Variants in KCNJ3 observed in about 807,000 individuals in gnomAD.
KCNJ3 encodes the protein G protein-activated inward rectifier potassium channel 1.
KCNJ3 carries 4 observed loss-of-function variants against 39.2 expected under a neutral mutation model. The ratio of observed to expected loss-of-function variants is 0.10; its 90% CI spans 0.05 to 0.23. KCNJ3 has a LOEUF of 0.23. KCNJ3 is among the 10% of genes least tolerant of loss of function. KCNJ3 has a pLI of 1.00. For synonymous variants in KCNJ3, 230 were observed against 237.4 expected, an observed-to-expected ratio of 0.97 and a Z score of 0.29; for missense variants, 276 against 634.9, an observed-to-expected ratio of 0.43 and a Z score of 6.08.
chr2:154,702,235 T>G (rs1684914895), intron 1 of KCNJ3, among the ~76,000 whole-genome samples: 1 of 151,976 alleles, frequency 6.6e-6, no homozygotes, highest in Admixed American at 6.5e-5. Context: ...TAATGCAGAA[T>G]GTGTAGAATT....
At chr2:154,701,125 T>C (rs1030632538) in intron 1 of KCNJ3, among the ~76,000 whole-genome samples, 2 of 152,286 alleles carry the variant, frequency 1.3e-5, no homozygotes, top group African/African-American at 4.8e-5. Flanking sequence ...AGTAACTGTA[T>C]GTGTCTTTAG....
At position 154,709,410 on chromosome 2, in the gene KCNJ3, C is replaced by T. The variant is rs1050137699; in HGVS notation, c.703-193C>T. 19 of 595,278 alleles carry T rather than the reference C, an allele frequency of 3.2e-5. No homozygotes were observed. The African/African-American group carries it at 3.4e-4, about 11-fold the overall frequency. The allele number at this position is 595,278 out of a possible 1,614,324, so 36.9% of individuals were successfully genotyped here. Reference sequence around the variant, plus strand: ...AGCAAGTTGTGTATTATAAATAATGCATGTATGTTCCGCATGAGCTATGTG... The same window carrying T: ...AGCAAGTTGTGTATTATAAATAATGTATGTATGTTCCGCATGAGCTATGTG... On this transcript the variant is annotated intron_variant, in intron 1 of 2. Transcript: ENST00000295101.
intron 2 of KCNJ3, among the ~76,000 whole-genome samples, chr2:154,806,859 A>G (rs980320960): frequency 1.3e-5 from 2 of 152,160 alleles, no homozygotes; most frequent in Non-Finnish European, 2.9e-5. Context: ...TAAGTCTCGC[A>G]CTGACCTTTC....
chr2:154,710,768 A>C (rs1685091549), intron 2 of KCNJ3, among the ~76,000 whole-genome samples: 1 of 152,192 alleles, frequency 6.6e-6, no homozygotes, highest in African/African-American at 2.4e-5. Context: ...AAACTATAGC[A>C]ATATAGAAAT....
rs1687869576 is a variant in KCNJ3, at chr2:154,857,917, A to AAAAAAAAAAG, written c.*2613_*2614insGAAAAAAAAA. ...AAAAAAAAAAAAAAAAAAAAAAAAAAAAAAAAAAAAGAATAAAAACAGGGT... is the reference window on the plus strand; with the variant it reads ...AAAAAAAAAAAAAAAAAAAAAAAAAAAAAAAAAAAGAAAAAAAAAAGAATAAAAACAGGGT... On this transcript the variant is annotated 3_prime_UTR_variant, in exon 3 of 3. Transcript: ENST00000295101. 8.0e-6 allele frequency: 1 copy of AAAAAAAAAAG among 124,314 alleles called. No homozygotes were observed. The highest frequency in any genetic ancestry group is 1.7e-5 in the Non-Finnish European group (1 of 57,924). 7.7% of individuals were successfully genotyped at this position (124,314 alleles called of 1,614,324 possible).
At position 154,748,552 on chromosome 2, in the gene KCNJ3, T is replaced by G. The variant is rs545687109; in HGVS notation, c.919+38733T>G. ...ACATTTCTGGGATGCCCAGTGCCCT[T>G]CGTCCTGTGCCTTGGAACCAAACTC... On this transcript the variant is annotated intron_variant, in intron 2 of 2. Transcript: ENST00000295101. 1.4e-3 allele frequency among the ~76,000 whole-genome samples: 216 copies of G among 152,218 alleles called. 2 individuals are homozygous for G. The highest frequency in any genetic ancestry group is 2.5e-3 in the Non-Finnish European group (172 of 68,000).
intron 1 of KCNJ3, among the ~76,000 whole-genome samples, chr2:154,701,989 C>T (rs907228130): frequency 1.3e-5 from 2 of 151,946 alleles, no homozygotes; most frequent in South Asian, 4.1e-4. Context: ...GAAATAATAA[C>T]ATTCAGCAAA....
chr2:154,813,862 C>A (rs1410993796), intron 2 of KCNJ3, among the ~76,000 whole-genome samples: 1 of 152,162 alleles, frequency 6.6e-6, no homozygotes, highest in Non-Finnish European at 1.5e-5. Flanking sequence ...TAGAACAATG[C>A]TTTACACTCT....
At chr2:154,800,987 G>A (rs554958907) in intron 2 of KCNJ3, among the ~76,000 whole-genome samples, 2 of 152,190 alleles carry the variant, frequency 1.3e-5, no homozygotes, top group South Asian at 2.1e-4. Flanking sequence ...ATGTGACGTC[G>A]GGGAGACATC....
At chr2:154,821,291 T>C (rs1367148509) in intron 2 of KCNJ3, among the ~76,000 whole-genome samples, 6 of 152,182 alleles carry the variant, frequency 3.9e-5, no homozygotes, top group Non-Finnish European at 7.3e-5. Flanking sequence ...AAAATGGTAT[T>C]AGGAGATCAT....
rs979710551 is a variant in KCNJ3 at position 154,825,239 on chromosome 2, C to T, written c.920-29488C>T. On this transcript the variant is annotated intron_variant, in intron 2 of 2. Coordinates refer to ENST00000295101, the MANE Select transcript of KCNJ3 (RefSeq NM_002239.4). ...TGGAAGCCTTCTCACTCTTCTTGACCTCATGCTCAGGGTGAATGCCCAGCT... is the reference window on the plus strand; with the variant it reads ...TGGAAGCCTTCTCACTCTTCTTGACTTCATGCTCAGGGTGAATGCCCAGCT... Among the ~76,000 whole-genome samples the T allele has an allele frequency of 5.3e-5, 8 of 152,072 alleles. 1 individual carries two copies. Among genetic ancestry groups the T allele is most frequent in the Non-Finnish European group, 1.2e-4 (8 of 68,008 alleles).
chr2:154,734,234 TA>T (rs1394655080), intron 2 of KCNJ3, among the ~76,000 whole-genome samples: 3 of 152,228 alleles, frequency 2.0e-5, no homozygotes, highest in African/African-American at 7.2e-5. Context: ...TCTAACATTT[TA>T]AATGGCAAGG....
chr2:154,708,850 C>T (rs529125058), intron 1 of KCNJ3, among the ~76,000 whole-genome samples: 1 of 152,212 alleles, frequency 6.6e-6, no homozygotes, highest in South Asian at 2.1e-4. Flanking sequence ...AACTATGTTT[C>T]TCAGGTATAG....
intron 1 of KCNJ3, among the ~76,000 whole-genome samples, chr2:154,700,279 G>A (rs1303562397): frequency 2.0e-5 from 3 of 152,110 alleles, no homozygotes; most frequent in Non-Finnish European, 4.4e-5. Context: ...TACCATCAAC[G>A]GTGTAAATGC....
intron 2 of KCNJ3, among the ~76,000 whole-genome samples, chr2:154,843,226 G>T (rs1195449451): frequency 2.0e-5 from 3 of 152,092 alleles, no homozygotes; most frequent in African/African-American, 7.2e-5. Context: ...GAAATTCTGG[G>T]TTGAAAATTC....
At chr2:154,839,192 C>A (rs375823404) in intron 2 of KCNJ3, among the ~76,000 whole-genome samples, 2 of 152,210 alleles carry the variant, frequency 1.3e-5, no homozygotes, top group South Asian at 4.1e-4. Context: ...TGAGAACATG[C>A]GGTGTTTGGT....
chr2:154,744,391 G>A (rs12328953), intron 2 of KCNJ3, among the ~76,000 whole-genome samples: 1 of 151,570 alleles, frequency 6.6e-6, no homozygotes, highest in Non-Finnish European at 1.5e-5. Flanking sequence ...GGAAGGTATT[G>A]TTTATAACTA....
chr2:154,733,143 T>TATC (rs1685471968), intron 2 of KCNJ3, among the ~76,000 whole-genome samples: 1 of 152,188 alleles, frequency 6.6e-6, no homozygotes, highest in African/African-American at 2.4e-5. Context: ...AAACAGATTC[T>TATC]ATCACTGGCA....
chr2:154,779,459 A>G (rs1372433574), intron 2 of KCNJ3, among the ~76,000 whole-genome samples: 1 of 141,560 alleles, frequency 7.1e-6, no homozygotes, highest in Non-Finnish European at 1.5e-5. Context: ...TATTTTATAT[A>G]TATATGTTGT....
Sources: allele counts gnomAD v4.1 joint callset (sites outside exome capture counted in the v4.1 genomes callset), GRCh38; gene constraint gnomAD v4.1.1; transcripts MANE v1.5; gene names NCBI Gene and HGNC (gene_info 2026-07-23, HGNC 2026-07-21).